The following NKAIN2 variants were observed in gnomAD, a reference collection of about 807,000 sequenced individuals.
NKAIN2 encodes sodium/potassium-transporting ATPase subunit beta-1-interacting protein 2.
A neutral mutation model predicts 32.6 loss-of-function variants in NKAIN2; 14 were observed. That is an observed-to-expected ratio of 0.43 (90% CI 0.28 to 0.67). NKAIN2 has a LOEUF of 0.67. Ranked by LOEUF, NKAIN2 falls within the 30% of genes least tolerant of loss-of-function variation. The probability of loss-of-function intolerance (pLI) is 0.17; values close to 1 mark genes in which losing one functional copy is unlikely to be tolerated. For synonymous variants in NKAIN2, 80 were observed against 87.2 expected (o/e 0.92, Z 0.46); for missense variants, 198 against 258.3 (o/e 0.77, Z 1.60).
chr6:124,015,650 A>T (rs2114746152), intron 1 of NKAIN2, among the ~76,000 whole-genome samples: 1 of 152,314 alleles, frequency 6.6e-6, no homozygotes, highest in Non-Finnish European at 1.5e-5. Context: ...GCCTCTGGTT[A>T]GCCATAAAAT....
At chr6:124,439,101 T>C (rs1335593490) in intron 3 of NKAIN2, among the ~76,000 whole-genome samples, 4 of 152,146 alleles carry the variant, frequency 2.6e-5, no homozygotes, top group Admixed American at 6.6e-5. Flanking sequence ...TCGACAGCTC[T>C]TCTCAATAGC....
chr6:123,938,523 ATATAT>A (rs1457419862), intron 1 of NKAIN2, among the ~76,000 whole-genome samples: 1 of 138,022 alleles, frequency 7.2e-6, no homozygotes, highest in Admixed American at 7.9e-5. Context: ...ATATATATTT[ATATAT>A]TATATTTTTT....
chr6:123,936,665 G>A (rs1476800611), intron 1 of NKAIN2, among the ~76,000 whole-genome samples: 1 of 152,030 alleles, frequency 6.6e-6, no homozygotes, highest in Non-Finnish European at 1.5e-5. Context: ...TTGGTTAACT[G>A]GCAGGAACTA....
chr6:124,723,901 G>A (rs1307569757), intron 4 of NKAIN2, among the ~76,000 whole-genome samples: 2 of 152,092 alleles, frequency 1.3e-5, no homozygotes, highest in Non-Finnish European at 1.5e-5. Flanking sequence ...TGTTTCTATA[G>A]TTCTGTGCTG....
intron 1 of NKAIN2, among the ~76,000 whole-genome samples, chr6:123,816,776 G>A (rs1167367956): frequency 6.6e-6 from 1 of 152,166 alleles, no homozygotes; most frequent in Non-Finnish European, 1.5e-5. Context: ...GAGAGGTAAG[G>A]TGGTGGTGGT....
chr6:124,012,673 T>G (rs1780391096), intron 1 of NKAIN2, among the ~76,000 whole-genome samples: 1 of 152,164 alleles, frequency 6.6e-6, no homozygotes, highest in Non-Finnish European at 1.5e-5. Context: ...CATTGCTTTT[T>G]CTCGATGAGT....
intron 5 of NKAIN2, among the ~76,000 whole-genome samples, chr6:124,806,208 T>A (rs1035945853): frequency 6.6e-6 from 1 of 151,768 alleles, no homozygotes; most frequent in South Asian, 2.1e-4. Context: ...AAAGTTGAAA[T>A]GAAGGAAAAA....
chr6:124,212,653 C>T (rs928187319), intron 1 of NKAIN2, among the ~76,000 whole-genome samples: 3 of 152,064 alleles, frequency 2.0e-5, no homozygotes, highest in Non-Finnish European at 4.4e-5. Flanking sequence ...TATTTTTAAA[C>T]TTCAAATTTC....
At chr6:124,542,196 A>G (rs79867041) in intron 3 of NKAIN2, among the ~76,000 whole-genome samples, 2,123 of 152,274 alleles carry the variant, frequency 0.014, 49 homozygotes, top group African/African-American at 0.048. Context: ...TAATTTAAAT[A>G]TGTTGCATTT....
intron 3 of NKAIN2, among the ~76,000 whole-genome samples, chr6:124,644,044 G>T (rs929552146): frequency 1.3e-5 from 2 of 152,032 alleles, no homozygotes; most frequent in Non-Finnish European, 2.9e-5. Context: ...CTTATTATTT[G>T]TTGAGCAATT....
At chr6:124,321,551 A>G (rs188027639) in intron 2 of NKAIN2, among the ~76,000 whole-genome samples, 15 of 152,188 alleles carry the variant, frequency 9.9e-5, no homozygotes, top group Non-Finnish European at 1.3e-4. Context: ...AACCTCTTTT[A>G]TATTCCTAGT....
intron 1 of NKAIN2, among the ~76,000 whole-genome samples, chr6:124,111,660 T>C (rs1785390238): frequency 6.6e-6 from 1 of 152,086 alleles, no homozygotes; most frequent in Non-Finnish European, 1.5e-5. Flanking sequence ...GTTTAATCCA[T>C]TTAAAGTAAT....
chr6:124,075,059 G>A (rs977535773), intron 1 of NKAIN2, among the ~76,000 whole-genome samples: 3 of 152,146 alleles, frequency 2.0e-5, no homozygotes, highest in Non-Finnish European at 2.9e-5. Flanking sequence ...AGTTAGTCCT[G>A]TGATAGATAT....
chr6:124,219,395 A>T (rs1419541117), intron 1 of NKAIN2, among the ~76,000 whole-genome samples: 4 of 150,774 alleles, frequency 2.7e-5, no homozygotes, highest in Non-Finnish European at 5.9e-5. Flanking sequence ...CTCCTGCCTC[A>T]GCCTCCTGAG....
At chr6:123,996,996 G>T (rs1779646336) in intron 1 of NKAIN2, among the ~76,000 whole-genome samples, 1 of 152,052 alleles carries the variant, frequency 6.6e-6, no homozygotes, top group South Asian at 2.1e-4. Flanking sequence ...CCTGTATGTT[G>T]TTCCAAATTA....
chr6:124,563,218 A>G (rs1450243359), intron 3 of NKAIN2, among the ~76,000 whole-genome samples: 1 of 152,070 alleles, frequency 6.6e-6, no homozygotes, highest in Admixed American at 6.6e-5. Context: ...ATAGTTTTGC[A>G]TAGAGTTACT....
In NKAIN2 at chr6:124,586,373, T is replaced by C. The variant is rs558491409; in HGVS notation, c.274-71813T>C. ...AAAACCAAGTGCTGCCTGCTCTTAC[T>C]TATAACTGAGAGCTCAACATAGAGT... is the stretch of plus-strand genomic sequence containing the variant. On this transcript the variant is annotated intron_variant, in intron 3 of 6. Coordinates refer to ENST00000368417, the MANE Select transcript of NKAIN2 (RefSeq NM_001040214.3). 2.0e-5 allele frequency among the ~76,000 whole-genome samples: 3 copies of C among 152,272 alleles called. No individual in the cohort carries two copies. The East Asian group carries it at 5.8e-4, about 29-fold the overall frequency.
intron 3 of NKAIN2, among the ~76,000 whole-genome samples, chr6:124,396,384 C>CA (rs1021433594): frequency 5.5e-5 from 7 of 127,216 alleles, no homozygotes; most frequent in South Asian, 2.4e-4. Flanking sequence ...AAATGGGTAC[C>CA]AAAAAAACAC....
intron 4 of NKAIN2, among the ~76,000 whole-genome samples, chr6:124,663,021 G>A (rs879710105): frequency 2.0e-4 from 30 of 152,080 alleles, no homozygotes; most frequent in Admixed American, 2.0e-3. Flanking sequence ...CCATGGCCAT[G>A]GGACTATCCT....
Sources: gnomAD v4.1 joint callset for allele counts (sites outside exome capture counted in the v4.1 genomes callset) on GRCh38, gnomAD v4.1.1 for gene constraint, MANE v1.5 for transcripts, NCBI Gene and HGNC (gene_info 2026-07-23, HGNC 2026-07-21) for gene names.